Variants in OIT3 observed in about 807,000 individuals in gnomAD.
OIT3 encodes the protein oncoprotein-induced transcript 3 protein.
A neutral mutation model predicts 52.2 loss-of-function variants in OIT3; 41 were observed. The observed-to-expected ratio is 0.79, with a 90% CI of 0.61 to 1.02. The LOEUF is 1.02. OIT3 is among the 50% of genes least tolerant of loss of function. The pLI, the probability that OIT3 is intolerant of heterozygous loss-of-function variation, is 0.00. For missense variants in OIT3, 634 were observed against 715.5 expected, an observed-to-expected ratio of 0.89 and a Z score of 1.30; for synonymous variants, 244 against 276.9, an observed-to-expected ratio of 0.88 and a Z score of 1.18.
chr10:72,932,413 T>C lies in OIT3; in HGVS notation c.1527T>C (p.Cys509=). 3 of 1,614,242 alleles carry C rather than the reference T, an allele frequency of 1.9e-6. No individual in the cohort carries two copies. The Middle Eastern group carries it at 4.9e-4, about 266-fold the overall frequency. ...GAGTGTTGGACGAGCGTTCCCGCTG[T>C]GCCCAGGGTTGCCACCGGCGAATGC... ...VCGVLDERSR[C]AQGCHRRMRR... is the part of the protein sequence containing the mutation. The change falls in exon 9 of 9, where the codon TGT becomes TGC. Residue 509 remains cysteine, a synonymous_variant. Coordinates refer to ENST00000334011, the MANE Select transcript of OIT3 (RefSeq NM_152635.3).
At chr10:72,904,784 A>G (rs1401459044) in intron 3 of OIT3, among the ~76,000 whole-genome samples, 3 of 149,858 alleles carry the variant, frequency 2.0e-5, no homozygotes, top group South Asian at 4.3e-4. Flanking sequence ...CTTCTGTTGT[A>G]GTTTTTTCTG....
chr10:72,905,584 G>A (rs913170297), intron 3 of OIT3, among the ~76,000 whole-genome samples: 2 of 152,182 alleles, frequency 1.3e-5, no homozygotes, highest in Non-Finnish European at 2.9e-5. Flanking sequence ...CAGCATCACA[G>A]ATGCTTTATC....
chr10:72,899,950 G>A (rs372086811), intron 2 of OIT3, among the ~76,000 whole-genome samples: 1 of 152,280 alleles, frequency 6.6e-6, no homozygotes, highest in African/African-American at 2.4e-5. Context: ...CACTTTCTTA[G>A]TCTATAGCTC....
intron 7 of OIT3, among the ~76,000 whole-genome samples, chr10:72,929,924 C>T (rs1313359261): frequency 2.6e-5 from 4 of 152,078 alleles, no homozygotes; most frequent in African/African-American, 9.7e-5. Flanking sequence ...ATTAAAACCC[C>T]AAAACCCTAT....
chr10:72,905,822 T>C (rs1322757763), intron 3 of OIT3, among the ~76,000 whole-genome samples: 1 of 152,194 alleles, frequency 6.6e-6, no homozygotes, highest in Non-Finnish European at 1.5e-5. Flanking sequence ...TCTGGGGTCC[T>C]AGACTTAAGC....
At chr10:72,914,401 A>T (rs1273675516) in intron 6 of OIT3, among the ~76,000 whole-genome samples, 1 of 152,220 alleles carries the variant, frequency 6.6e-6, no homozygotes, top group Non-Finnish European at 1.5e-5. Flanking sequence ...ATCAGCACGG[A>T]GGCCTTTGCG....
chr10:72,905,386 G>A (rs757152600), intron 3 of OIT3, among the ~76,000 whole-genome samples: 14 of 152,036 alleles, frequency 9.2e-5, no homozygotes, highest in Non-Finnish European at 1.9e-4. Flanking sequence ...CAGGAGTATC[G>A]CTTGAACCTG....
intron 4 of OIT3, among the ~76,000 whole-genome samples, chr10:72,910,593 A>G (rs1364504226): frequency 2.0e-5 from 3 of 152,248 alleles, no homozygotes; most frequent in African/African-American, 4.8e-5. Flanking sequence ...TTTTCTCTAC[A>G]TACATTTCAC....
Position 72,899,153 on chromosome 10 carries a change from A to G in OIT3, c.436+115A>G, listed in dbSNP as rs2132923603. 3 of 888,088 alleles carry G rather than the reference A, an allele frequency of 3.4e-6. No individual in the cohort carries two copies. The East Asian group carries it at 7.3e-5, about 22-fold the overall frequency. The allele number at this position is 888,088 out of a possible 1,614,324, so 55.0% of individuals were successfully genotyped here. On this transcript the variant is annotated intron_variant, in intron 2 of 8. Transcript: ENST00000334011. Reference sequence around the variant, plus strand: ...GCAACTATATCTCAATCTGAACAACATTGATGTGGGGCTAAAGATACCTCT... The same window carrying G: ...GCAACTATATCTCAATCTGAACAACGTTGATGTGGGGCTAAAGATACCTCT...
chr10:72,911,038 A>G (rs995921761), intron 4 of OIT3, among the ~76,000 whole-genome samples: 5 of 152,066 alleles, frequency 3.3e-5, no homozygotes, highest in Admixed American at 6.6e-5. Flanking sequence ...TTTGTTTTCA[A>G]TGGAATATTT....
At chr10:72,914,645 G>A (rs989920655) in intron 6 of OIT3, among the ~76,000 whole-genome samples, 9 of 152,066 alleles carry the variant, frequency 5.9e-5, no homozygotes, top group South Asian at 2.1e-4. Context: ...AAAACCATCC[G>A]GTAAATGCCA....
rs994667536 is a variant in OIT3, at chr10:72,896,380, T to C, written c.62-2284T>C. On this transcript the variant is annotated intron_variant, in intron 1 of 8. Coordinates refer to ENST00000334011, the MANE Select transcript of OIT3 (RefSeq NM_152635.3). ...TGGGAGAGCAAAGGAGGAAGAAATT[T>C]GTCCCTTTTGATGGGAGAAAGAATC... Among the ~76,000 whole-genome samples the C allele has an allele frequency of 2.6e-5, 4 of 152,228 alleles. No homozygotes were observed. In the South Asian group the frequency reaches 8.3e-4, roughly 32 times the overall value.
chr10:72,913,515 A>G (rs779838557), intron 6 of OIT3, 47 bp downstream of exon 6: 3 of 1,498,520 alleles, frequency 2.0e-6, no homozygotes, highest in Admixed American at 1.7e-5. Flanking sequence ...AAAGCCGGTT[A>G]TTTGGGAGGC....
Position 72,914,244 on chromosome 10 carries a change from G to A in OIT3, c.951+776G>A, listed in dbSNP as rs941001149. ...TGAAACCGGAAAAGTAGGTGGGGTG[G>A]GCTGAGCTTCCAAAGGCCTGCCTTG... On this transcript the variant is annotated intron_variant, in intron 6 of 8. Coordinates refer to ENST00000334011, the MANE Select transcript of OIT3 (RefSeq NM_152635.3). 3.0e-4 allele frequency among the ~76,000 whole-genome samples: 45 copies of A among 152,100 alleles called. 1 individual carries two copies.
intron 3 of OIT3, among the ~76,000 whole-genome samples, chr10:72,904,783 T>C (rs1845964278): frequency 6.7e-6 from 1 of 150,002 alleles, no homozygotes; most frequent in Non-Finnish European, 1.5e-5. Context: ...TCTTCTGTTG[T>C]AGTTTTTTCT....
At position 72,898,654 on chromosome 10, in the gene OIT3, T is replaced by C. The variant is rs1354943717; in HGVS notation, c.62-10T>C. 2.0e-5 allele frequency: 32 copies of C among 1,592,376 alleles called. No homozygotes were observed. The highest frequency in any genetic ancestry group is 2.7e-5 in the Non-Finnish European group (31 of 1,163,612). On this transcript the variant is annotated splice_polypyrimidine_tract_variant and intron_variant, in intron 1 of 8. Coordinates refer to ENST00000334011, the MANE Select transcript of OIT3 (RefSeq NM_152635.3). The stretch of plus-strand genomic sequence containing the variant: ...CTCCAGGTACTCTGAGGTATCTTTT[T>C]CATTTCCAGCCCTAGATCCTTGTTC...
chr10:72,923,516 C>T lies in OIT3; in HGVS notation c.952-713C>T, dbSNP rs368840513. Among the ~76,000 whole-genome samples, 13 of 152,282 alleles carry T rather than the reference C, an allele frequency of 8.5e-5. No individual in the cohort carries two copies. The East Asian group carries it at 2.3e-3, about 27-fold the overall frequency. ...CTGAACTGTGCTGTGGTACCGTTTC[C>T]TTCACCTCCCCCTCCTCAGGTTGAG... is the stretch of plus-strand genomic sequence containing the variant. On this transcript the variant is annotated intron_variant, in intron 6 of 8. Coordinates refer to ENST00000334011, the MANE Select transcript of OIT3 (RefSeq NM_152635.3).
chr10:72,897,122 C>G (rs1031640207), intron 1 of OIT3, among the ~76,000 whole-genome samples: 1 of 152,194 alleles, frequency 6.6e-6, no homozygotes, highest in East Asian at 1.9e-4. Context: ...CTTCCGGGTT[C>G]AAGCAATTCT....
In OIT3 at chr10:72,900,440, G is replaced by A. The variant is rs375530531; in HGVS notation, c.500G>A (p.Cys167Tyr). Residue 167 changes from cysteine to tyrosine, a missense_variant, in exon 3 of 9, where the codon TGC becomes TAC. Transcript: ENST00000334011. ...GSCSDTSECT[C>Y]APGTVLGPDR... ...TGCTCAGATACCAGCGAGTGCACAT[G>A]CGCTCCAGGAACTGTGCTAGGCCCT... 1.4e-5 allele frequency: 22 copies of A among 1,612,614 alleles called. No individual in the cohort carries two copies. Among genetic ancestry groups the A allele is most frequent in the Non-Finnish European group, 1.8e-5 (21 of 1,178,586 alleles).
Sources: gnomAD v4.1 joint callset for allele counts (sites outside exome capture counted in the v4.1 genomes callset) on GRCh38, gnomAD v4.1.1 for gene constraint, MANE v1.5 for transcripts, NCBI Gene and HGNC (gene_info 2026-07-23, HGNC 2026-07-21) for gene names.